The following ATP10A variants were observed in gnomAD, a reference collection of about 807,000 sequenced individuals.
ATP10A encodes ATPase phospholipid transporting 10A (putative).
In ATP10A, 111 loss-of-function variants were observed where a neutral mutation model predicts 147.8. That is an observed-to-expected ratio of 0.75 (90% CI 0.64 to 0.88). The LOEUF (loss-of-function observed/expected upper bound fraction) is 0.88, where lower values mean the gene tolerates loss of function less well. ATP10A is among the 40% of genes least tolerant of loss of function. The pLI, the probability that ATP10A is intolerant of heterozygous loss-of-function variation, is 0.00. For missense variants in ATP10A, 1,927 were observed against 1,959.0 expected (o/e 0.98, Z 0.31); for synonymous variants, 875 against 841.6 (o/e 1.04, Z -0.69).
Position 25,807,430 on chromosome 15 carries a change from T to C in ATP10A, c.450-26207A>G, listed in dbSNP as rs146570662. 6.6e-5 allele frequency among the ~76,000 whole-genome samples: 10 copies of C among 152,358 alleles called. No homozygotes were observed. In the East Asian group the frequency reaches 1.7e-3, roughly 26 times the overall value. On this transcript the variant is annotated intron_variant, in intron 1 of 20. Transcript: ENST00000555815. ...GCTCAATGAATGAAGGCTTTGAAAG[T>C]TCTTGTGACGACAGCTGAACACTCC...
intron 13 of ATP10A, among the ~76,000 whole-genome samples, chr15:25,697,474 C>A (rs1048746150): frequency 6.6e-6 from 1 of 152,176 alleles, no homozygotes; most frequent in Non-Finnish European, 1.5e-5. Flanking sequence ...GTCAAGATGA[C>A]ACAGATACTG....
At position 25,817,417 on chromosome 15, in the gene ATP10A, AAGGTGAGGTTCT is replaced by A. The variant is rs1311611010; in HGVS notation, c.450-36206_450-36195del. The stretch of plus-strand genomic sequence containing the variant: ...AACAATGTGGTTTGTATCCAACTAG[AAGGTGAGGTTCT>A]TATTTAAATTAGATCAGTTTAATAA... On this transcript the variant is annotated intron_variant, in intron 1 of 20. Transcript: ENST00000555815. Among the ~76,000 whole-genome samples, 290 of 152,338 alleles carry A rather than the reference AAGGTGAGGTTCT, an allele frequency of 1.9e-3. 3 individuals carry two copies. Among genetic ancestry groups the A allele is most frequent in the African/African-American group, 6.5e-3 (271 of 41,572 alleles).
intron 1 of ATP10A, among the ~76,000 whole-genome samples, chr15:25,783,657 C>A (rs928368418): frequency 6.6e-6 from 1 of 152,224 alleles, no homozygotes; most frequent in Admixed American, 6.5e-5. Context: ...AACAAAGATA[C>A]ATTAGATGAT....
intron 1 of ATP10A, among the ~76,000 whole-genome samples, chr15:25,828,124 A>T (rs1224076973): frequency 6.6e-6 from 1 of 152,222 alleles, no homozygotes; most frequent in Non-Finnish European, 1.5e-5. Flanking sequence ...AGCAAAAATG[A>T]AGCTAACTGT....
rs1370119579 is a variant in ATP10A at position 25,721,035 on chromosome 15, G to A, written c.1363+622C>T. Among the ~76,000 whole-genome samples the A allele has an allele frequency of 3.3e-5, 5 of 152,184 alleles. No individual in the cohort carries two copies. The South Asian group carries it at 1.0e-3, about 32-fold the overall frequency. On this transcript the variant is annotated intron_variant, in intron 7 of 20. Transcript: ENST00000555815. ...CAGGCACAGTGGTGGCGGGGACCCTGGTCCATGCCCTCTCCTGACTGGGGT... is the reference window on the plus strand; with the variant it reads ...CAGGCACAGTGGTGGCGGGGACCCTAGTCCATGCCCTCTCCTGACTGGGGT...
chr15:25,797,520 T>A (rs565871628), intron 1 of ATP10A, among the ~76,000 whole-genome samples: 22 of 150,856 alleles, frequency 1.5e-4, no homozygotes, highest in African/African-American at 5.1e-4. Context: ...CACTTTTCCA[T>A]TTTGTGCTAG....
intron 1 of ATP10A, among the ~76,000 whole-genome samples, chr15:25,782,301 G>A (rs891902391): frequency 6.6e-6 from 1 of 152,194 alleles, no homozygotes; most frequent in Non-Finnish European, 1.5e-5. Flanking sequence ...CAGAGCTGCT[G>A]TTTGGGGTGA....
At chr15:25,736,028 T>C (rs778910629) in intron 3 of ATP10A, 28 bp downstream of exon 3, 4 of 1,566,618 alleles carry the variant, frequency 2.6e-6, no homozygotes, top group East Asian at 2.2e-5. Flanking sequence ...AACAGAAGGA[T>C]GCGCGCAGGC....
downstream of ATP10A, among the ~76,000 whole-genome samples, chr15:25,672,624 C>A (rs1899065432): frequency 6.6e-6 from 1 of 152,152 alleles, no homozygotes. Flanking sequence ...GGCTCTGGAG[C>A]TTCCACATCT....
chr15:25,692,938 C>G (rs1022939864), intron 14 of ATP10A, among the ~76,000 whole-genome samples: 3 of 151,928 alleles, frequency 2.0e-5, no homozygotes. Flanking sequence ...GTAGGTAGGA[C>G]TACAGGTACA....
intron 1 of ATP10A, among the ~76,000 whole-genome samples, chr15:25,788,179 T>C (rs951691613): frequency 6.6e-6 from 1 of 151,704 alleles, no homozygotes; most frequent in East Asian, 1.9e-4. Flanking sequence ...GCAGGAAACA[T>C]GTAGGAGCAG....
chr15:25,862,899 A>G lies in ATP10A; in HGVS notation c.198T>C (p.Thr66=). 6.2e-7 allele frequency: 1 copy of G among 1,610,510 alleles called. No individual in the cohort carries two copies. Among genetic ancestry groups the G allele is most frequent in the Non-Finnish European group, 8.5e-7 (1 of 1,178,812 alleles). The change falls in exon 1 of 21, where the codon ACT becomes ACC. Residue 66 remains threonine, a synonymous_variant. Coordinates refer to ENST00000555815, the MANE Select transcript of ATP10A (RefSeq NM_024490.4). ...AQHLADNRLK[T]TKYTLLSFLP... ...GGAAGGACAGCAGCGTGTACTTGGT[A>G]GTCTTGAGCCGGTTGTCGGCCAGGT...
downstream of ATP10A, among the ~76,000 whole-genome samples, chr15:25,675,904 C>T (rs560558543): frequency 6.6e-6 from 1 of 152,050 alleles, no homozygotes; most frequent in South Asian, 2.1e-4. Context: ...TGTGATCACA[C>T]CCCTGCACTC....
intron 2 of ATP10A, among the ~76,000 whole-genome samples, chr15:25,760,446 A>G (rs914138589): frequency 6.6e-6 from 1 of 152,244 alleles, no homozygotes; most frequent in Non-Finnish European, 1.5e-5. Context: ...TAGCCATTTT[A>G]AGCCTTGGTG....
At chr15:25,704,949 G>A (rs1472270977) in intron 12 of ATP10A, among the ~76,000 whole-genome samples, 1 of 152,192 alleles carries the variant, frequency 6.6e-6, no homozygotes, top group Non-Finnish European at 1.5e-5. Context: ...TTGAATGGGA[G>A]GGGAAAGGAT....
intron 13 of ATP10A, among the ~76,000 whole-genome samples, chr15:25,697,570 A>G (rs1900409279): frequency 6.6e-6 from 1 of 152,234 alleles, no homozygotes; most frequent in Non-Finnish European, 1.5e-5. Context: ...GAACAGAGAG[A>G]CAGACAGTCT....
intron 1 of ATP10A, among the ~76,000 whole-genome samples, chr15:25,845,545 C>A (rs1247430094): frequency 1.3e-5 from 2 of 152,150 alleles, no homozygotes; most frequent in African/African-American, 4.8e-5. Flanking sequence ...GACATCTAGG[C>A]AACAAGACCA....
intron 2 of ATP10A, among the ~76,000 whole-genome samples, chr15:25,763,342 T>C (rs1359676976): frequency 1.3e-5 from 2 of 152,180 alleles, no homozygotes; most frequent in African/African-American, 2.4e-5. Context: ...TGGTCTTGAA[T>C]ATCAGCAACC....
intron 2 of ATP10A, among the ~76,000 whole-genome samples, chr15:25,778,521 G>A (rs1352848512): frequency 2.0e-5 from 3 of 151,608 alleles, no homozygotes; most frequent in Admixed American, 6.6e-5. Flanking sequence ...AGAAAGTCGG[G>A]GGAAAAAGGT....
Sources: gnomAD v4.1 joint callset for allele counts (sites outside exome capture counted in the v4.1 genomes callset) on GRCh38, gnomAD v4.1.1 for gene constraint, MANE v1.5 for transcripts, NCBI Gene and HGNC (gene_info 2026-07-23, HGNC 2026-07-21) for gene names.